ANXA8: variants seen among roughly 807,000 people sequenced by gnomAD.
The protein encoded by ANXA8 is annexin A8, also known as VAC-beta.
In ANXA8, 9 loss-of-function variants were observed where a neutral mutation model predicts 26.8. The observed-to-expected ratio is 0.34, with a 90% confidence interval of 0.20 to 0.59. The LOEUF (loss-of-function observed/expected upper bound fraction) is 0.59. ANXA8 is among the 20% of genes least tolerant of loss of function. The pLI is 0.84. For missense variants in ANXA8, 83 were observed against 238.5 expected (o/e 0.35, Z 4.29); for synonymous variants, 39 against 94.8 (o/e 0.41, Z 3.42).
the ANXA8 span, among the ~76,000 whole-genome samples, chr10:47,551,372 C>T: frequency 6.6e-6 from 1 of 150,886 alleles, no homozygotes; most frequent in Non-Finnish European, 1.5e-5. Flanking sequence ...CTAAGAATAT[C>T]ATAAGGACTC....
chr10:47,625,965 T>C, the ANXA8 span, among the ~76,000 whole-genome samples: 16 of 150,664 alleles, frequency 1.1e-4, no homozygotes, highest in East Asian at 1.2e-3. Flanking sequence ...AGTGAGATTA[T>C]GTCATAGTTG....
At chr10:47,590,286 T>A in the ANXA8 span, 1 of 146,200 alleles carries the variant, frequency 6.8e-6, no homozygotes, top group Non-Finnish European at 1.5e-5. Context: ...AAGAGCTCAT[T>A]GACTCAAGGA....
chr10:47,607,794 G>A, the ANXA8 span, among the ~76,000 whole-genome samples: 1 of 107,604 alleles, frequency 9.3e-6, no homozygotes, highest in African/African-American at 4.4e-5. Context: ...ACAATAATAT[G>A]CATTGGGAAA....
At chr10:47,952,066 T>C in the ANXA8 span, among the ~76,000 whole-genome samples, 3 of 150,544 alleles carry the variant, frequency 2.0e-5, no homozygotes, top group Non-Finnish European at 2.9e-5. Flanking sequence ...ATTCACGATG[T>C]ACTTTTTTTT....
chr10:47,626,560 A>G, the ANXA8 span, among the ~76,000 whole-genome samples: 2 of 150,040 alleles, frequency 1.3e-5, no homozygotes, highest in East Asian at 3.9e-4. Flanking sequence ...ACTCTAATAT[A>G]TACAGAACTT....
At chr10:47,986,076 T>C in the ANXA8 span, 1 of 151,178 alleles carries the variant, frequency 6.6e-6, no homozygotes, top group Non-Finnish European at 1.5e-5. Flanking sequence ...ATTTGTTAGA[T>C]ATGAGTTTTC....
the ANXA8 span, among the ~76,000 whole-genome samples, chr10:47,933,880 G>A: frequency 1.6e-4 from 1 of 6,386 alleles, no homozygotes; most frequent in East Asian, 1.1e-3. Context: ...CATTTGATTA[G>A]CATCTTTTTG....
the ANXA8 span, among the ~76,000 whole-genome samples, chr10:47,896,023 TAGA>T: frequency 1.2e-4 from 18 of 148,032 alleles, no homozygotes; most frequent in Non-Finnish European, 2.2e-4. Context: ...AAGAGGCACG[TAGA>T]AGGAGCAGAG....
At chr10:47,567,876 A>G in the ANXA8 span, 1 of 390,406 alleles carries the variant, frequency 2.6e-6, no homozygotes, top group South Asian at 2.9e-5. Flanking sequence ...ACGTTTTTCT[A>G]ATATTGTGTG....
chr10:47,898,811 ATTTTTTTTTTTTTTT>A, the ANXA8 span, among the ~76,000 whole-genome samples: 794 of 56,266 alleles, frequency 0.014, 17 homozygotes, highest in African/African-American at 0.062. Context: ...AAGAGAATGG[ATTTTTTTTTTTTTTT>A]TTTTTTTTTT....
the ANXA8 span, among the ~76,000 whole-genome samples, chr10:47,569,011 A>G: frequency 2.3e-5 from 1 of 43,938 alleles, no homozygotes; most frequent in African/African-American, 1.2e-4. Context: ...CTGTAATCCT[A>G]GCTACTCGGG....
chr10:47,664,146 G>A, the ANXA8 span, among the ~76,000 whole-genome samples: 1 of 151,278 alleles, frequency 6.6e-6, no homozygotes, highest in Non-Finnish European at 1.5e-5. Context: ...GGAGGCCAAG[G>A]CAGCAGATCA....
chr10:47,670,130 C>T, the ANXA8 span, among the ~76,000 whole-genome samples: 1 of 151,908 alleles, frequency 6.6e-6, no homozygotes, highest in East Asian at 1.9e-4. Context: ...CCTTTTGTCA[C>T]ATGTTTTCAT....
At chr10:47,691,247 T>C in the ANXA8 span, 1 of 1,347,738 alleles carries the variant, frequency 7.4e-7, no homozygotes, top group African/African-American at 1.6e-5. Context: ...CATTATGGTA[T>C]AGTGGTAGCT....
At chr10:47,953,109 G>T in the ANXA8 span, among the ~76,000 whole-genome samples, 2 of 150,362 alleles carry the variant, frequency 1.3e-5, no homozygotes, top group African/African-American at 2.5e-5. Flanking sequence ...TGATAAATGG[G>T]CCTTATTGAA....
At chr10:47,951,000 T>C in the ANXA8 span, among the ~76,000 whole-genome samples, 1 of 150,542 alleles carries the variant, frequency 6.6e-6, no homozygotes, top group Non-Finnish European at 1.5e-5. Flanking sequence ...AAAGGAATAA[T>C]AAAGAAAGTC....
the ANXA8 span, among the ~76,000 whole-genome samples, chr10:47,648,770 A>G: frequency 8.6e-5 from 6 of 69,462 alleles, no homozygotes; most frequent in African/African-American, 1.8e-4. Context: ...CAATACTGAG[A>G]ATATTTCTTC....
At chr10:47,955,370 C>T in the ANXA8 span, among the ~76,000 whole-genome samples, 7 of 150,044 alleles carry the variant, frequency 4.7e-5, no homozygotes, top group African/African-American at 7.4e-5. Flanking sequence ...GACAGTGATG[C>T]GTTCTCAGAA....
the ANXA8 span, among the ~76,000 whole-genome samples, chr10:47,918,356 GGAGAGAGAGAGAGAGAGA>G: frequency 0.16 from 2,781 of 17,234 alleles, 408 homozygotes; most frequent in South Asian, 0.23. Context: ...GGGGAGGGAG[GGAGAGAGAGAGAGAGAGA>G]GAGAGAGAGA....
Sources: gnomAD v4.1 joint callset for allele counts (sites outside exome capture counted in the v4.1 genomes callset) on GRCh38, gnomAD v4.1.1 for gene constraint, MANE v1.5 for transcripts, NCBI Gene and HGNC (gene_info 2026-07-23, HGNC 2026-07-21) for gene names.